GABBR2: variants seen among roughly 807,000 people sequenced by gnomAD.
GABBR2 encodes gamma-aminobutyric acid type B receptor subunit 2.
GABBR2 carries 23 observed loss-of-function variants against 105.6 expected under a neutral mutation model. That is an observed-to-expected ratio of 0.22 (90% CI 0.16 to 0.31). The LOEUF (loss-of-function observed/expected upper bound fraction) is 0.31. Among genes scored for constraint, GABBR2 ranks in the 10% least tolerant of loss-of-function variants. The pLI is 1.00. For synonymous variants in GABBR2, 478 were observed against 499.7 expected (o/e 0.96, Z 0.58); for missense variants, 734 against 1,245.5 (o/e 0.59, Z 6.18).
chr9:98,632,882 C>T (rs541891936), intron 1 of GABBR2, among the ~76,000 whole-genome samples: 4 of 152,314 alleles, frequency 2.6e-5, no homozygotes, highest in Admixed American at 1.3e-4. Context: ...AGGTTTCATT[C>T]GTTCACTCAA....
intron 13 of GABBR2, among the ~76,000 whole-genome samples, chr9:98,333,770 C>T (rs545075122): frequency 6.6e-5 from 10 of 152,230 alleles, no homozygotes; most frequent in Non-Finnish European, 1.2e-4. Flanking sequence ...AACCTAACTT[C>T]ACACAGTAAG....
chr9:98,628,935 G>A (rs1052690042), intron 1 of GABBR2, among the ~76,000 whole-genome samples: 6 of 152,132 alleles, frequency 3.9e-5, no homozygotes, highest in African/African-American at 1.2e-4. Context: ...TCCCCACACT[G>A]TGTCCTTTAT....
At chr9:98,681,507 G>A (rs866651981) in intron 1 of GABBR2, among the ~76,000 whole-genome samples, 15 of 151,180 alleles carry the variant, frequency 9.9e-5, no homozygotes, top group Admixed American at 2.6e-4. Flanking sequence ...TTGGTGCAGC[G>A]TACCAGCATG....
chr9:98,492,363 A>AAAAAAAAAAAAAAAAAAAAAAAAAAAAT (rs1827194845), intron 4 of GABBR2, among the ~76,000 whole-genome samples: 1 of 147,538 alleles, frequency 6.8e-6, no homozygotes, highest in Non-Finnish European at 1.5e-5. Flanking sequence ...AAAAAAAAAA[A>AAAAAAAAAAAAAAAAAAAAAAAAAAAAT]AAAAAAAAAA....
intron 1 of GABBR2, among the ~76,000 whole-genome samples, chr9:98,678,525 C>G (rs760681471): frequency 6.6e-6 from 1 of 152,226 alleles, no homozygotes; most frequent in South Asian, 2.1e-4. Flanking sequence ...TTGACAAGCA[C>G]TTTATGTCCC....
intron 2 of GABBR2, among the ~76,000 whole-genome samples, chr9:98,561,912 T>C (rs1175859736): frequency 2.0e-5 from 3 of 152,070 alleles, no homozygotes; most frequent in Non-Finnish European, 2.9e-5. Context: ...AAATTACCAT[T>C]TTGCAACACC....
chr9:98,644,109 G>A (rs1830001567), intron 1 of GABBR2, among the ~76,000 whole-genome samples: 1 of 152,166 alleles, frequency 6.6e-6, no homozygotes, highest in African/African-American at 2.4e-5. Context: ...GGAAAGCGGA[G>A]CGATGACCCA....
intron 13 of GABBR2, among the ~76,000 whole-genome samples, chr9:98,313,848 G>C (rs1564012713): frequency 6.6e-6 from 1 of 152,164 alleles, no homozygotes; most frequent in Admixed American, 6.5e-5. Flanking sequence ...TTGCTCTCCA[G>C]GTGTGACCTT....
At chr9:98,617,492 T>A (rs1009483666) in intron 1 of GABBR2, among the ~76,000 whole-genome samples, 6 of 152,186 alleles carry the variant, frequency 3.9e-5, no homozygotes, top group African/African-American at 1.4e-4. Context: ...TAGTCACATT[T>A]TTGTGTTTGT....
intron 1 of GABBR2, among the ~76,000 whole-genome samples, chr9:98,651,902 G>T (rs1274366970): frequency 6.6e-6 from 1 of 152,110 alleles, no homozygotes; most frequent in East Asian, 1.9e-4. Flanking sequence ...TAAAAGGTGT[G>T]ATCATGGTTT....
At chr9:98,703,980 G>T (rs1830864415) in intron 1 of GABBR2, among the ~76,000 whole-genome samples, 1 of 151,806 alleles carries the variant, frequency 6.6e-6, no homozygotes, top group East Asian at 1.9e-4. Flanking sequence ...ATAATTCCAT[G>T]GTTTTTAGTA....
At chr9:98,605,908 A>G (rs1464062491) in intron 1 of GABBR2, among the ~76,000 whole-genome samples, 4 of 152,046 alleles carry the variant, frequency 2.6e-5, no homozygotes, top group Non-Finnish European at 5.9e-5. Flanking sequence ...ATATCTCCTA[A>G]TGCTATCCCT....
chr9:98,584,250 C>A (rs577920001), intron 1 of GABBR2, among the ~76,000 whole-genome samples: 2 of 152,164 alleles, frequency 1.3e-5, no homozygotes, highest in Non-Finnish European at 2.9e-5. Context: ...AACTGTCATG[C>A]AATAACTCAA....
chr9:98,481,568 C>G (rs1038003201), intron 4 of GABBR2, among the ~76,000 whole-genome samples: 1 of 152,176 alleles, frequency 6.6e-6, no homozygotes, highest in African/African-American at 2.4e-5. Context: ...AGGTTTCAGA[C>G]TTGCTTTGAG....
At chr9:98,593,674 G>A (rs982275946) in intron 1 of GABBR2, among the ~76,000 whole-genome samples, 13 of 152,156 alleles carry the variant, frequency 8.5e-5, no homozygotes, top group African/African-American at 1.9e-4. Flanking sequence ...CCATGTCCCC[G>A]AATCTGACAG....
chr9:98,391,929 T>A (rs7046871), intron 9 of GABBR2, among the ~76,000 whole-genome samples: 31,091 of 152,040 alleles, frequency 0.2, 5,021 homozygotes, highest in African/African-American at 0.45. Context: ...CTAGCACAGC[T>A]GTGAGAAGCC....
chr9:98,399,224 C>T (rs1392794078), intron 8 of GABBR2, among the ~76,000 whole-genome samples: 4 of 151,850 alleles, frequency 2.6e-5, no homozygotes, highest in Admixed American at 2.6e-4. Context: ...CACGGTGGCA[C>T]GTGCCTGTAA....
chr9:98,345,002 C>G (rs1831279413), intron 13 of GABBR2, among the ~76,000 whole-genome samples: 1 of 152,116 alleles, frequency 6.6e-6, no homozygotes, highest in Non-Finnish European at 1.5e-5. Context: ...CATTCCACAC[C>G]TGCCTTAATG....
intron 13 of GABBR2, among the ~76,000 whole-genome samples, chr9:98,331,749 G>A (rs1831030377): frequency 6.6e-6 from 1 of 152,200 alleles, no homozygotes; most frequent in Non-Finnish European, 1.5e-5. Context: ...GGATGTGCGA[G>A]CCAGTGAGTG....
Sources: allele counts gnomAD v4.1 joint callset (sites outside exome capture counted in the v4.1 genomes callset), GRCh38; gene constraint gnomAD v4.1.1; transcripts MANE v1.5; gene names NCBI Gene and HGNC (gene_info 2026-07-23, HGNC 2026-07-21).